SMCHD1: variants seen among roughly 807,000 people sequenced by gnomAD.
SMCHD1 encodes structural maintenance of chromosomes flexible hinge domain-containing protein 1.
SMCHD1 carries 78 observed loss-of-function variants against 254.7 expected under a neutral mutation model. The observed-to-expected ratio is 0.31, with a 90% CI of 0.26 to 0.37. SMCHD1 has a LOEUF of 0.37. Ranked by LOEUF, SMCHD1 falls within the 10% of genes least tolerant of loss-of-function variation. The pLI is 1.00. For missense variants in SMCHD1, 1,840 were observed against 2,408.1 expected, an observed-to-expected ratio of 0.76 and a Z score of 4.94; for synonymous variants, 766 against 794.9, an observed-to-expected ratio of 0.96 and a Z score of 0.61.
At chr18:2,708,867 C>CATATATATATATATATAT (rs763226355) in intron 17 of SMCHD1, among the ~76,000 whole-genome samples, 6 of 8,298 alleles carry the variant, frequency 7.2e-4, no homozygotes, top group Non-Finnish European at 1.1e-3. Flanking sequence ...TCAATAACTT[C>CATATATATATATATATAT]ATATATATAT....
chr18:2,696,742 G>C (rs1046386421), intron 8 of SMCHD1, among the ~76,000 whole-genome samples: 27 of 152,112 alleles, frequency 1.8e-4, no homozygotes, highest in Admixed American at 6.5e-5. Flanking sequence ...TGGTGTATGT[G>C]GTCTTTGAAG....
chr18:2,706,689 T>C (rs1223128655), intron 15 of SMCHD1: 2 of 396,198 alleles, frequency 5.0e-6, no homozygotes, highest in East Asian at 8.8e-5. Flanking sequence ...ATCTTATATA[T>C]CTAAAGTGTC....
chr18:2,688,295 G>A (rs1411297922), intron 5 of SMCHD1, 99 bp from the exon 6 acceptor site: 7 of 793,904 alleles, frequency 8.8e-6, no homozygotes, highest in Non-Finnish European at 1.5e-5. Context: ...GTGTTTGCAG[G>A]CGTGATCATT....
chr18:2,801,077 A>T (rs2076353115), intron 47 of SMCHD1: 1 of 152,232 alleles, frequency 6.6e-6, no homozygotes, highest in African/African-American at 2.4e-5. Flanking sequence ...GAGATAGAAG[A>T]CATAGAGAAC....
At chr18:2,700,697 T>C in intron 11 of SMCHD1, 38 bp downstream of exon 11, 1 of 1,603,328 alleles carries the variant, frequency 6.2e-7, no homozygotes, top group Non-Finnish European at 8.5e-7. Flanking sequence ...TTTTTACAAC[T>C]TAATTCTTTT....
chr18:2,741,854 C>A (rs1228677547), intron 28 of SMCHD1, among the ~76,000 whole-genome samples: 1 of 152,178 alleles, frequency 6.6e-6, no homozygotes, highest in African/African-American at 2.4e-5. Context: ...AGCATGTAAA[C>A]ATGCTGGAAT....
At chr18:2,749,908 A>G in intron 30 of SMCHD1, 135 bp from the exon 31 acceptor site, 1 of 723,424 alleles carries the variant, frequency 1.4e-6, no homozygotes, top group East Asian at 2.8e-5. Context: ...CAGATTTTTA[A>G]AATTTAGATT....
chr18:2,787,717 A>G (rs945179665), intron 45 of SMCHD1, among the ~76,000 whole-genome samples: 2 of 152,356 alleles, frequency 1.3e-5, no homozygotes, highest in South Asian at 2.1e-4. Flanking sequence ...TGACAAATAT[A>G]TTCAAAGATA....
chr18:2,658,838 ATATATGTATATG>A (rs1235428921), intron 1 of SMCHD1, among the ~76,000 whole-genome samples: 1 of 151,172 alleles, frequency 6.6e-6, no homozygotes, highest in African/African-American at 2.4e-5. Context: ...GTGTGTGTAT[ATATATGTATATG>A]TATATATACA....
intron 12 of SMCHD1, 24 bp downstream of exon 12, chr18:2,700,942 G>A (rs878960315): frequency 1.4e-6 from 2 of 1,466,022 alleles, no homozygotes; most frequent in South Asian, 1.3e-5. Flanking sequence ...ATATAAAGTT[G>A]TGAATATTTG....
At chr18:2,795,407 A>G (rs750181198) in intron 45 of SMCHD1, among the ~76,000 whole-genome samples, 1 of 152,158 alleles carries the variant, frequency 6.6e-6, no homozygotes, top group Non-Finnish European at 1.5e-5. Context: ...GGAAGCGATG[A>G]TTTTCTTTTT....
intron 28 of SMCHD1, among the ~76,000 whole-genome samples, chr18:2,742,411 T>C (rs951716646): frequency 2.0e-5 from 3 of 152,164 alleles, no homozygotes; most frequent in Non-Finnish European, 4.4e-5. Flanking sequence ...TAAAAAGAAA[T>C]CACCCCTTCA....
At chr18:2,763,158 A>G (rs1270292141) in intron 36 of SMCHD1, among the ~76,000 whole-genome samples, 1 of 152,118 alleles carries the variant, frequency 6.6e-6, no homozygotes, top group Non-Finnish European at 1.5e-5. Context: ...TCTTTTCCCA[A>G]AACATCTTGT....
In SMCHD1 at chr18:2,804,240, T is replaced by C. The variant is rs1055014182; in HGVS notation, c.*1688T>C. The stretch of plus-strand genomic sequence containing the variant: ...TGTTTTAAATCCAAGGCATTGAGAC[T>C]ATCTAGAAGCAAAAAAGTTGGTTTT... On this transcript the variant is annotated 3_prime_UTR_variant, in exon 48 of 48. Coordinates refer to ENST00000320876, the MANE Select transcript of SMCHD1 (RefSeq NM_015295.3). 1.3e-5 allele frequency: 2 copies of C among 152,260 alleles called. No individual in the cohort carries two copies. The highest frequency in any genetic ancestry group is 4.8e-5 in the African/African-American group (2 of 41,464). The allele number at this position is 152,260 out of a possible 1,614,324, so 9.4% of individuals were successfully genotyped here.
intron 17 of SMCHD1, among the ~76,000 whole-genome samples, chr18:2,713,571 G>T (rs896949733): frequency 6.6e-6 from 1 of 152,136 alleles, no homozygotes; most frequent in African/African-American, 2.4e-5. Flanking sequence ...TGTAATTTCA[G>T]CTACTCGGGA....
At chr18:2,657,192 A>G (rs2073095596) in intron 1 of SMCHD1, among the ~76,000 whole-genome samples, 2 of 152,228 alleles carry the variant, frequency 1.3e-5, no homozygotes. Flanking sequence ...GTTCTAGACC[A>G]TATAACTGTA....
chr18:2,683,335 T>C (rs2073972314), intron 5 of SMCHD1, among the ~76,000 whole-genome samples: 1 of 152,240 alleles, frequency 6.6e-6, no homozygotes, highest in African/African-American at 2.4e-5. Flanking sequence ...ATTTTCTGTT[T>C]CATTCAGTTT....
intron 3 of SMCHD1, among the ~76,000 whole-genome samples, chr18:2,667,501 T>A (rs2073472303): frequency 6.6e-6 from 1 of 152,260 alleles, no homozygotes; most frequent in African/African-American, 2.4e-5. Flanking sequence ...TTGCTAGTGA[T>A]CTTTACAAAT....
chr18:2,768,663 A>AC (rs372147465), intron 37 of SMCHD1, among the ~76,000 whole-genome samples: 1 of 105,806 alleles, frequency 9.5e-6, no homozygotes, highest in African/African-American at 3.0e-5. Context: ...ATAGTATAGT[A>AC]TATAGTGTAC....
Sources: allele counts gnomAD v4.1 joint callset (sites outside exome capture counted in the v4.1 genomes callset), GRCh38; gene constraint gnomAD v4.1.1; transcripts MANE v1.5; gene names NCBI Gene and HGNC (gene_info 2026-07-23, HGNC 2026-07-21).